Variants in PTPRD observed in about 807,000 individuals in gnomAD.
The protein encoded by PTPRD is protein tyrosine phosphatase receptor type D, also known as receptor-type tyrosine-protein phosphatase delta.
PTPRD carries 34 observed loss-of-function variants against 214.5 expected under a neutral mutation model. The ratio of observed to expected loss-of-function variants is 0.16; its 90% CI spans 0.12 to 0.21. PTPRD has a LOEUF of 0.21. Ranked by LOEUF, PTPRD falls within the 10% of genes least tolerant of loss-of-function variation. PTPRD has a pLI of 1.00. For missense variants in PTPRD, 2,545 were observed against 2,398.7 expected (o/e 1.06, Z -1.27); for synonymous variants, 1,128 against 845.7 (o/e 1.33, Z -5.79).
In PTPRD at chr9:9,815,813, G is replaced by A. The variant is rs2048577028; in HGVS notation, c.-367-48962C>T. Among the ~76,000 whole-genome samples the A allele has an allele frequency of 2.0e-5, 3 of 152,224 alleles. No homozygotes were observed. In the South Asian group the frequency reaches 6.2e-4, roughly 32 times the overall value. On this transcript the variant is annotated intron_variant, in intron 5 of 45. Transcript: ENST00000381196. ...CAGACTTATAAGACGAATAAGTTCTGGGGATTTAATGTATGACATGGTGAC... is the reference window on the plus strand; with the variant it reads ...CAGACTTATAAGACGAATAAGTTCTAGGGATTTAATGTATGACATGGTGAC...
intron 7 of PTPRD, among the ~76,000 whole-genome samples, chr9:9,724,339 G>C (rs1324167619): frequency 1.3e-5 from 2 of 152,128 alleles, no homozygotes; most frequent in Non-Finnish European, 2.9e-5. Context: ...AAATGCTTTT[G>C]AGGGTGTTTA....
At chr9:9,466,123 C>A (rs1294974935) in intron 8 of PTPRD, among the ~76,000 whole-genome samples, 1 of 151,968 alleles carries the variant, frequency 6.6e-6, no homozygotes, top group African/African-American at 2.4e-5. Context: ...GCCTGGCCAA[C>A]ATGGCAAAAC....
intron 5 of PTPRD, among the ~76,000 whole-genome samples, chr9:9,771,567 C>T (rs942596568): frequency 3.3e-5 from 5 of 152,130 alleles, no homozygotes; most frequent in Non-Finnish European, 5.9e-5. Context: ...AGCAGAGTTA[C>T]TCCACATCAC....
chr9:10,556,545 C>T (rs1163435403), intron 2 of PTPRD, among the ~76,000 whole-genome samples: 1 of 151,976 alleles, frequency 6.6e-6, no homozygotes, highest in Admixed American at 6.6e-5. Flanking sequence ...AAGAAAGGCC[C>T]TCAAAAGTTT....
intron 2 of PTPRD, among the ~76,000 whole-genome samples, chr9:10,461,087 C>A (rs939466076): frequency 6.6e-6 from 1 of 151,788 alleles, no homozygotes; most frequent in African/African-American, 2.4e-5. Flanking sequence ...ACAAAAGACT[C>A]GAATAGACAT....
chr9:8,803,727 C>A (rs776039160), intron 11 of PTPRD, among the ~76,000 whole-genome samples: 1 of 150,902 alleles, frequency 6.6e-6, no homozygotes, highest in South Asian at 2.1e-4. Context: ...GAGTGATACC[C>A]TGTCTCAAAT....
intron 11 of PTPRD, among the ~76,000 whole-genome samples, chr9:8,924,313 T>A (rs2098849192): frequency 6.6e-6 from 1 of 152,338 alleles, no homozygotes; most frequent in South Asian, 2.1e-4. Context: ...AGGTATTTAT[T>A]GAATTCTCAA....
intron 5 of PTPRD, among the ~76,000 whole-genome samples, chr9:9,909,802 C>G (rs1223202323): frequency 6.6e-6 from 1 of 151,652 alleles, no homozygotes; most frequent in Non-Finnish European, 1.5e-5. Context: ...TGAGCATGCA[C>G]TATTCACTAG....
rs138220077 is a variant in PTPRD at position 9,501,780 on chromosome 9, G to T, written c.-237+72952C>A. ...GATTCAGACAGGACCAAAATATTTA[G>T]AAATGAAATGGCAAAATTTTAGACT... On this transcript the variant is annotated intron_variant, in intron 8 of 45. Transcript: ENST00000381196. 6.6e-3 allele frequency among the ~76,000 whole-genome samples: 1,008 copies of T among 151,812 alleles called. 5 individuals are homozygous for T. The highest frequency in any genetic ancestry group is 0.018 in the South Asian group (88 of 4,818).
At chr9:8,712,139 T>C (rs1278088921) in intron 12 of PTPRD, among the ~76,000 whole-genome samples, 2 of 152,190 alleles carry the variant, frequency 1.3e-5, no homozygotes, top group South Asian at 4.1e-4. Flanking sequence ...GGAGATGCAA[T>C]GCAGAGTGTG....
chr9:10,550,789 T>A (rs1284050291), intron 2 of PTPRD, among the ~76,000 whole-genome samples: 2 of 152,218 alleles, frequency 1.3e-5, no homozygotes, highest in African/African-American at 4.8e-5. Flanking sequence ...TCTTCTGAAA[T>A]TGGTTGGGCA....
intron 8 of PTPRD, among the ~76,000 whole-genome samples, chr9:9,424,898 T>A (rs1017883202): frequency 6.6e-6 from 1 of 152,202 alleles, no homozygotes; most frequent in Non-Finnish European, 1.5e-5. Context: ...AATTTCTTCA[T>A]CCTGTATACC....
chr9:10,032,526 A>T (rs2097101920), intron 4 of PTPRD, among the ~76,000 whole-genome samples: 2 of 151,842 alleles, frequency 1.3e-5, no homozygotes, highest in African/African-American at 2.4e-5. Flanking sequence ...ATCCCTGGGG[A>T]CTCTTCTATG....
chr9:9,646,342 TGG>T (rs1337923811), intron 7 of PTPRD, among the ~76,000 whole-genome samples: 65 of 146,480 alleles, frequency 4.4e-4, no homozygotes, highest in African/African-American at 1.3e-3. Flanking sequence ...TGTGTGTGTG[TGG>T]GTGTGTGTGT....
At chr9:10,111,559 A>G (rs1031212504) in intron 3 of PTPRD, among the ~76,000 whole-genome samples, 2 of 152,054 alleles carry the variant, frequency 1.3e-5, no homozygotes, top group African/African-American at 2.4e-5. Context: ...TCTTATACCA[A>G]TAGAAGGTTC....
chr9:10,051,951 G>C (rs748509226), intron 3 of PTPRD, among the ~76,000 whole-genome samples: 5 of 151,722 alleles, frequency 3.3e-5, no homozygotes, highest in African/African-American at 4.8e-5. Context: ...CTCTCTTTTT[G>C]TTTTTGTTTT....
intron 9 of PTPRD, among the ~76,000 whole-genome samples, chr9:9,354,895 A>C (rs1166461779): frequency 6.6e-6 from 1 of 151,786 alleles, no homozygotes; most frequent in African/African-American, 2.4e-5. Flanking sequence ...CAAGAGGCCT[A>C]AGGATAGTCC....
intron 10 of PTPRD, among the ~76,000 whole-genome samples, chr9:9,100,751 T>C (rs1377571376): frequency 1.3e-5 from 2 of 152,160 alleles, no homozygotes; most frequent in East Asian, 1.9e-4. Context: ...TTCAAAATTA[T>C]GTATTGGAAA....
chr9:8,616,719 C>T (rs2095622634), intron 14 of PTPRD, among the ~76,000 whole-genome samples: 1 of 152,102 alleles, frequency 6.6e-6, no homozygotes, highest in African/African-American at 2.4e-5. Context: ...ATCTCACATA[C>T]AAAACTACCT....
Sources: gnomAD v4.1 joint callset for allele counts (sites outside exome capture counted in the v4.1 genomes callset) on GRCh38, gnomAD v4.1.1 for gene constraint, MANE v1.5 for transcripts, NCBI Gene and HGNC (gene_info 2026-07-23, HGNC 2026-07-21) for gene names.